The following ENTREP2 variants were observed in gnomAD, a reference collection of about 807,000 sequenced individuals.
ENTREP2 encodes the protein protein ENTREP2.
chr15:29,365,064 C>T, the ENTREP2 span, among the ~76,000 whole-genome samples: 1 of 152,016 alleles, frequency 6.6e-6, no homozygotes, highest in African/African-American at 2.4e-5. Flanking sequence ...CTCTGTGTTC[C>T]ACCTCTTCAT....
At chr15:29,305,301 T>A in the ENTREP2 span, among the ~76,000 whole-genome samples, 32 of 152,328 alleles carry the variant, frequency 2.1e-4, no homozygotes, top group African/African-American at 7.5e-4. Flanking sequence ...CAGAAGACTA[T>A]TCTGAGTGAG....
the ENTREP2 span, among the ~76,000 whole-genome samples, chr15:29,263,812 C>G: frequency 1.3e-5 from 2 of 152,018 alleles, no homozygotes; most frequent in Admixed American, 1.3e-4. Flanking sequence ...CAAAAGAAAC[C>G]GGAGCTCTTT....
chr15:29,126,393 C>T, the ENTREP2 span: 16 of 1,547,084 alleles, frequency 1.0e-5, no homozygotes, highest in East Asian at 2.0e-4. Context: ...AGGGCAGGTT[C>T]GGAGGGTGCT....
chr15:29,347,523 G>A, the ENTREP2 span, among the ~76,000 whole-genome samples: 1 of 151,730 alleles, frequency 6.6e-6, no homozygotes, highest in South Asian at 2.1e-4. Context: ...TTTTTCTACA[G>A]GAGATCATTA....
chr15:29,217,025 A>G, the ENTREP2 span, among the ~76,000 whole-genome samples: 239 of 152,314 alleles, frequency 1.6e-3, 1 homozygote, highest in Middle Eastern at 6.8e-3. Flanking sequence ...GGTCTAGTTA[A>G]AACAATTTTA....
At chr15:29,359,871 G>A in the ENTREP2 span, among the ~76,000 whole-genome samples, 2 of 152,156 alleles carry the variant, frequency 1.3e-5, no homozygotes, top group Admixed American at 6.5e-5. Flanking sequence ...ATGAAAATCA[G>A]GGTAAAATAA....
the ENTREP2 span, among the ~76,000 whole-genome samples, chr15:29,285,484 A>G: frequency 1.3e-5 from 2 of 152,236 alleles, no homozygotes; most frequent in Non-Finnish European, 2.9e-5. Flanking sequence ...AAGTGGGCAA[A>G]TTCCTAGAAA....
the ENTREP2 span, among the ~76,000 whole-genome samples, chr15:29,133,885 A>G: frequency 1.3e-5 from 2 of 151,696 alleles, no homozygotes; most frequent in East Asian, 3.9e-4. Context: ...CTCATCCGAG[A>G]CTCTTTACGG....
the ENTREP2 span, among the ~76,000 whole-genome samples, chr15:29,433,149 C>T: frequency 6.6e-5 from 10 of 152,176 alleles, no homozygotes; most frequent in South Asian, 4.1e-4. Flanking sequence ...GTGTACTGGA[C>T]CCAGCCCCAG....
At chr15:29,279,158 T>G in the ENTREP2 span, among the ~76,000 whole-genome samples, 2 of 152,182 alleles carry the variant, frequency 1.3e-5, no homozygotes, top group African/African-American at 4.8e-5. Context: ...TCTTTTGAAT[T>G]CTGGGGGAGA....
the ENTREP2 span, among the ~76,000 whole-genome samples, chr15:29,248,289 T>C: frequency 1.3e-5 from 2 of 152,142 alleles, no homozygotes; most frequent in Non-Finnish European, 1.5e-5. Context: ...AGCATAATCT[T>C]GGAAAGGAGA....
chr15:29,172,795 G>C, the ENTREP2 span, among the ~76,000 whole-genome samples: 1 of 151,982 alleles, frequency 6.6e-6, no homozygotes, highest in Middle Eastern at 3.2e-3. Flanking sequence ...AATCCTCCCT[G>C]GGCTCCAGCT....
At chr15:29,300,504 T>C in the ENTREP2 span, among the ~76,000 whole-genome samples, 1 of 152,204 alleles carries the variant, frequency 6.6e-6, no homozygotes, top group Non-Finnish European at 1.5e-5. Flanking sequence ...TAAAATGGAA[T>C]ATATGTTGCT....
chr15:29,145,155 G>A, the ENTREP2 span, among the ~76,000 whole-genome samples: 1 of 152,126 alleles, frequency 6.6e-6, no homozygotes, highest in Admixed American at 6.5e-5. Flanking sequence ...ATATGAAAAG[G>A]ATTACTTATC....
the ENTREP2 span, among the ~76,000 whole-genome samples, chr15:29,547,395 A>G: frequency 6.6e-6 from 1 of 152,064 alleles, no homozygotes; most frequent in East Asian, 1.9e-4. Flanking sequence ...GCCCACATTG[A>G]TTCTATTTTT....
chr15:29,389,078 C>T, the ENTREP2 span, among the ~76,000 whole-genome samples: 3 of 150,714 alleles, frequency 2.0e-5, no homozygotes, highest in South Asian at 2.1e-4. Context: ...CAAACCTGCA[C>T]GTTGTGCACA....
At chr15:29,514,049 C>T in the ENTREP2 span, among the ~76,000 whole-genome samples, 1 of 152,142 alleles carries the variant, frequency 6.6e-6, no homozygotes, top group Non-Finnish European at 1.5e-5. Flanking sequence ...AGTGCTGGGG[C>T]AAGTGTTTTG....
At chr15:29,461,098 T>C in the ENTREP2 span, among the ~76,000 whole-genome samples, 865 of 152,290 alleles carry the variant, frequency 5.7e-3, 7 homozygotes, top group African/African-American at 0.02. Context: ...CAATATTTTA[T>C]CTATTTTCAT....
chr15:29,656,807 A>C, the ENTREP2 span, among the ~76,000 whole-genome samples: 2 of 152,220 alleles, frequency 1.3e-5, no homozygotes, highest in Non-Finnish European at 2.9e-5. Flanking sequence ...TCTAAAGTTA[A>C]GCATGTACTT....
Sources: gnomAD v4.1 joint callset for allele counts (sites outside exome capture counted in the v4.1 genomes callset) on GRCh38, gnomAD v4.1.1 for gene constraint, MANE v1.5 for transcripts, NCBI Gene and HGNC (gene_info 2026-07-23, HGNC 2026-07-21) for gene names.